Variants in CGAS observed in about 807,000 individuals in gnomAD.
The protein encoded by CGAS is cyclic GMP-AMP synthase, also known as 2'3'-cGAMP synthase.
In CGAS, 31 loss-of-function variants were observed where a neutral mutation model predicts 34.0. The observed-to-expected ratio is 0.91, with a 90% CI of 0.69 to 1.23. CGAS has a LOEUF of 1.23. Among genes scored for constraint, CGAS ranks in the 50% most tolerant of loss-of-function variants. The probability of loss-of-function intolerance (pLI) is 0.00; values close to 1 mark genes in which losing one functional copy is unlikely to be tolerated. For missense variants in CGAS, 597 were observed against 657.6 expected (o/e 0.91, Z 1.01); for synonymous variants, 266 against 260.0 (o/e 1.02, Z -0.22).
chr6:73,446,057 A>T (rs1197928939), intron 1 of CGAS, among the ~76,000 whole-genome samples: 6 of 152,166 alleles, frequency 3.9e-5, no homozygotes, highest in Admixed American at 2.0e-4. Context: ...GGCCAGGTGC[A>T]GTGGCTCATG....
intron 2 of CGAS, 75 bp from the exon 3 acceptor site, chr6:73,440,520 A>G: frequency 8.0e-7 from 1 of 1,245,858 alleles, no homozygotes; most frequent in South Asian, 1.4e-5. Context: ...AAATAATGTA[A>G]CTATAATTGA....
At chr6:73,447,467 A>G (rs1770491198) in intron 1 of CGAS, among the ~76,000 whole-genome samples, 1 of 152,078 alleles carries the variant, frequency 6.6e-6, no homozygotes, top group Non-Finnish European at 1.5e-5. Flanking sequence ...TAGTTTTAGT[A>G]GAGACAGGGT....
chr6:73,429,173 A>G (rs1343974706), intron 3 of CGAS, among the ~76,000 whole-genome samples: 1 of 151,472 alleles, frequency 6.6e-6, no homozygotes, highest in East Asian at 1.9e-4. Context: ...CTGGGCAACA[A>G]GAGCAAAACT....
In CGAS at chr6:73,451,530, C is replaced by G. The variant is rs375046828; in HGVS notation, c.652G>C (p.Val218Leu). 5 of 1,557,452 alleles carry G rather than the reference C, an allele frequency of 3.2e-6. No homozygotes were observed. The highest frequency in any genetic ancestry group is 4.3e-6 in the Non-Finnish European group (5 of 1,149,856). Residue 218 changes from valine (V) to leucine (L), a missense_variant, in exon 1 of 5, where the codon GTG becomes CTG. Around this residue, in one of 3 missense-constraint regions of CGAS, gnomAD observed 321 missense variants for 314.3 expected, o/e 1.02. Transcript: ENST00000370315. Reference protein sequence around the residue: ...LLNTGSYYEHVKISAPNEFDV... With the variant: ...LLNTGSYYEHLKISAPNEFDV... ...GAGGGCGCCAAGCAGCTCACCTTCA[C>G]GTGCTCATAGTAGCTCCCGGTGTTC...
At chr6:73,431,687 A>T (rs1402650445) in intron 3 of CGAS, among the ~76,000 whole-genome samples, 1 of 152,226 alleles carries the variant, frequency 6.6e-6, no homozygotes, top group Non-Finnish European at 1.5e-5. Flanking sequence ...AAAGAGATTT[A>T]ACAGACATAT....
chr6:73,440,097 G>C lies in CGAS; in HGVS notation c.1114+112C>G, dbSNP rs1017860778. The stretch of plus-strand genomic sequence containing the variant: ...TCCCATCTTATAACCTATTTTGCCT[G>C]ATGGCTCTTGAAATGACAACAGCAT... On this transcript the variant is annotated intron_variant, in intron 3 of 4. Transcript: ENST00000370315. The C allele has an allele frequency of 4.1e-6, 4 of 977,794 alleles. No homozygotes were observed. The Admixed American group carries it at 1.2e-4, about 28-fold the overall frequency. The allele number at this position is 977,794 out of a possible 1,614,324, so 60.6% of individuals were successfully genotyped here.
intron 3 of CGAS, 151 bp downstream of exon 3, chr6:73,440,058 G>T: frequency 1.5e-6 from 1 of 648,644 alleles, no homozygotes; most frequent in Non-Finnish European, 2.6e-6. Context: ...TTTCAATTCT[G>T]TCTGTCACCA....
chr6:73,425,672 T>C (rs1456022045), intron 4 of CGAS, 94 bp from the exon 5 acceptor site: 1 of 808,290 alleles, frequency 1.2e-6, no homozygotes, highest in East Asian at 2.7e-5. Flanking sequence ...ACAATAAAGA[T>C]ATATAATAAC....
At chr6:73,450,039 A>AAGAG (rs35518684) in intron 1 of CGAS, among the ~76,000 whole-genome samples, 17,783 of 148,234 alleles carry the variant, frequency 0.12, 1,339 homozygotes, top group South Asian at 0.18. Context: ...GAACAAAATA[A>AAGAG]AGAGAGAGAG....
rs770878908 is a variant in CGAS at position 73,423,748 on chromosome 6, GAGAAA to G, written c.*1474_*1478del. On this transcript the variant is annotated 3_prime_UTR_variant, in exon 5 of 5. Coordinates refer to ENST00000370315, the MANE Select transcript of CGAS (RefSeq NM_138441.3). Reference sequence around the variant, plus strand: ...CCAATTTATTCTCAAAAGCTTGAATGAGAAAAGAAATCAACTCCATTAAAATTTAA... The same window carrying G: ...CCAATTTATTCTCAAAAGCTTGAATGAGAAATCAACTCCATTAAAATTTAA... 6 of 152,202 alleles carry G rather than the reference GAGAAA, an allele frequency of 3.9e-5. No homozygotes were observed. Among genetic ancestry groups the G allele is most frequent in the Admixed American group, 6.5e-5 (1 of 15,288 alleles). The allele number at this position is 152,202 out of a possible 1,614,324, so 9.4% of individuals were successfully genotyped here.
At position 73,452,111 on chromosome 6, in the gene CGAS, G is replaced by A. The variant is rs1314022859; in HGVS notation, c.71C>T (p.Ala24Val). The A allele has an allele frequency of 6.2e-7, 1 of 1,600,346 alleles. No individual in the cohort carries two copies. Among genetic ancestry groups the A allele is most frequent in the East Asian group, 2.3e-5 (1 of 44,242 alleles). Residue 24 changes from alanine to valine, a missense_variant, in exon 1 of 5, where the codon GCA (alanine) becomes GTA (valine). Around this residue, in one of 3 missense-constraint regions of CGAS, gnomAD observed 321 missense variants for 314.3 expected, o/e 1.02. Coordinates refer to ENST00000370315, the MANE Select transcript of CGAS (RefSeq NM_138441.3). ...CATCGGGGCGCCCCTGGCATTCCGT[G>A]CGGAAGCCTTGGGGGCAGTGGCTCC... ...EAGATAPKAS[A>V]RNARGAPMDP...
intron 3 of CGAS, among the ~76,000 whole-genome samples, chr6:73,429,623 A>G (rs9351998): frequency 0.37 from 55,701 of 151,516 alleles, 10,499 homozygotes; most frequent in Admixed American, 0.45. Context: ...TCGGGAGATC[A>G]AGACCATCCT....
intron 4 of CGAS, among the ~76,000 whole-genome samples, chr6:73,426,080 C>T (rs1396958400): frequency 5.9e-5 from 9 of 151,960 alleles, no homozygotes; most frequent in Admixed American, 1.3e-4. Context: ...GTCAAGAGTT[C>T]GAGATCAGCC....
chr6:73,428,425 A>G (rs578160121), intron 4 of CGAS, among the ~76,000 whole-genome samples: 28 of 152,238 alleles, frequency 1.8e-4, no homozygotes, highest in African/African-American at 6.0e-4. Flanking sequence ...GCTAGTGCTC[A>G]TACCCTCTCA....
chr6:73,451,890 T>G lies in CGAS; in HGVS notation c.292A>C (p.Ser98Arg). ...AQDTQPSDAT[S>R]APGAEGLEPP... ...TCCAGCCCCTCTGCCCCAGGGGCGC[T>G]GGTGGCGTCAGACGGCTGCGTGTCC... is the stretch of plus-strand genomic sequence containing the variant. Residue 98 changes from serine (S) to arginine (R), a missense_variant, in exon 1 of 5, where the codon AGC becomes CGC. Ser to Arg is a moderately radical substitution (Grantham distance 110). This residue lies in a region of CGAS where 321 missense variants were observed against 314.3 expected (regional missense o/e 1.02). Transcript: ENST00000370315. 1 of 1,536,820 alleles carries G rather than the reference T, an allele frequency of 6.5e-7. No homozygotes were observed. Among genetic ancestry groups the G allele is most frequent in the Non-Finnish European group, 8.8e-7 (1 of 1,138,492 alleles).
At chr6:73,440,917 AC>A (rs200447610) in intron 2 of CGAS, among the ~76,000 whole-genome samples, 4 of 151,974 alleles carry the variant, frequency 2.6e-5, no homozygotes, top group South Asian at 2.1e-4. Context: ...AGAAAAAAAA[AC>A]AAAAAACAAA....
At chr6:73,445,838 T>C in intron 1 of CGAS, 91 bp from the exon 2 acceptor site, 1 of 968,230 alleles carries the variant, frequency 1.0e-6, no homozygotes. Flanking sequence ...CTTAAAACTT[T>C]ACTTTAAAAA....
intron 3 of CGAS, among the ~76,000 whole-genome samples, chr6:73,429,146 C>T (rs1186661256): frequency 1.3e-5 from 2 of 149,408 alleles, no homozygotes; most frequent in African/African-American, 2.5e-5. Flanking sequence ...GCCGAGATTG[C>T]ACCATTGCAC....
intron 2 of CGAS, among the ~76,000 whole-genome samples, chr6:73,442,563 G>A (rs1408456193): frequency 6.7e-6 from 1 of 148,574 alleles, no homozygotes; most frequent in African/African-American, 2.5e-5. Context: ...ACCACTCCTG[G>A]CTAATTAAAA....
Sources: gnomAD v4.1 joint callset for allele counts (sites outside exome capture counted in the v4.1 genomes callset) on GRCh38, gnomAD v4.1.1 for gene constraint, gnomAD v4.1.1 regional missense constraint, MANE v1.5 for transcripts, NCBI Gene and HGNC (gene_info 2026-07-23, HGNC 2026-07-21) for gene names.